Variants in TGFBR2 observed in about 807,000 individuals in gnomAD.
TGFBR2 encodes transforming growth factor beta receptor 2.
A neutral mutation model predicts 49.0 loss-of-function variants in TGFBR2; 18 were observed. The observed-to-expected ratio is 0.37, with a 90% confidence interval of 0.25 to 0.54. TGFBR2 has a LOEUF of 0.54. Among genes scored for constraint, TGFBR2 ranks in the 20% least tolerant of loss-of-function variants. The probability of loss-of-function intolerance (pLI) is 0.85; values close to 1 mark genes in which losing one functional copy is unlikely to be tolerated. For missense variants in TGFBR2, 525 were observed against 722.6 expected (o/e 0.73, Z 3.13); for synonymous variants, 282 against 275.9 (o/e 1.02, Z -0.22).
At chr3:30,630,218 C>G (rs1162860195) in intron 1 of TGFBR2, among the ~76,000 whole-genome samples, 1 of 152,100 alleles carries the variant, frequency 6.6e-6, no homozygotes, top group Admixed American at 6.5e-5. Flanking sequence ...GGGTTCTCAC[C>G]CCAGAATGAG....
intron 5 of TGFBR2, among the ~76,000 whole-genome samples, chr3:30,674,758 G>A (rs750393208): frequency 6.6e-6 from 1 of 152,150 alleles, no homozygotes; most frequent in Non-Finnish European, 1.5e-5. Context: ...CTAGTGAAGA[G>A]GTTATTGAGG....
chr3:30,664,729 C>T (rs1360775169), intron 3 of TGFBR2, among the ~76,000 whole-genome samples: 1 of 152,184 alleles, frequency 6.6e-6, no homozygotes, highest in Non-Finnish European at 1.5e-5. Flanking sequence ...TTTGTTATGC[C>T]GACACCAGTT....
chr3:30,628,528 G>GTTTTTTTTTT (rs569832149), intron 1 of TGFBR2, among the ~76,000 whole-genome samples: 2 of 80,200 alleles, frequency 2.5e-5, no homozygotes, highest in East Asian at 4.6e-4. Flanking sequence ...AAGCCTGTGG[G>GTTTTTTTTTT]TTTTTTTTTT....
intron 1 of TGFBR2, among the ~76,000 whole-genome samples, chr3:30,632,624 T>C (rs1188767903): frequency 6.6e-6 from 1 of 152,212 alleles, no homozygotes; most frequent in African/African-American, 2.4e-5. Context: ...AAACTCATAC[T>C]TATCTTGTCA....
chr3:30,671,837 C>T lies in TGFBR2; in HGVS notation c.654C>T (p.Ile218=), dbSNP rs1699344500. The T allele has an allele frequency of 6.2e-7, 1 of 1,614,114 alleles. No homozygotes were observed. Among genetic ancestry groups the T allele is most frequent in the African/African-American group, 1.3e-5 (1 of 74,946 alleles). ...TGGAGTTCAGCGAGCACTGTGCCATCATCCTGGAAGATGACCGCTCTGACA... is the reference window on the plus strand; with the variant it reads ...TGGAGTTCAGCGAGCACTGTGCCATTATCCTGGAAGATGACCGCTCTGACA... ...KLMEFSEHCA[I]ILEDDRSDIS... is the part of the protein sequence containing the mutation. Residue 218 remains isoleucine (I), a synonymous_variant, in exon 4 of 7, where the codon ATC becomes ATT. Transcript: ENST00000295754.
intron 1 of TGFBR2, among the ~76,000 whole-genome samples, chr3:30,621,278 C>CTCT (rs1698225603): frequency 1.7e-5 from 2 of 116,312 alleles, no homozygotes; most frequent in East Asian, 2.5e-4. Flanking sequence ...TTTTAATATT[C>CTCT]TTTTTTTTTT....
chr3:30,630,660 A>C (rs1322351107), intron 1 of TGFBR2, among the ~76,000 whole-genome samples: 1 of 152,188 alleles, frequency 6.6e-6, no homozygotes, highest in East Asian at 1.9e-4. Context: ...TTATGTTGAA[A>C]CTTAATCCCC....
At chr3:30,687,424 G>A (rs773144774) in intron 5 of TGFBR2, among the ~76,000 whole-genome samples, 2 of 151,956 alleles carry the variant, frequency 1.3e-5, no homozygotes, top group African/African-American at 4.8e-5. Context: ...AGAGGATCTC[G>A]CTATGTTGCC....
At chr3:30,674,986 G>A (rs754626544) in intron 5 of TGFBR2, among the ~76,000 whole-genome samples, 1 of 152,054 alleles carries the variant, frequency 6.6e-6, no homozygotes, top group Non-Finnish European at 1.5e-5. Flanking sequence ...ACTGTTAGAG[G>A]CTGTTACTAC....
intron 5 of TGFBR2, among the ~76,000 whole-genome samples, chr3:30,682,385 C>G (rs1411579439): frequency 6.6e-6 from 1 of 152,206 alleles, no homozygotes; most frequent in Non-Finnish European, 1.5e-5. Context: ...TAAACTCAGT[C>G]ATACTCTCTA....
At chr3:30,648,453 CA>C (rs1698815372) in intron 2 of TGFBR2, among the ~76,000 whole-genome samples, 6 of 136,790 alleles carry the variant, frequency 4.4e-5, no homozygotes, top group African/African-American at 1.4e-4. Flanking sequence ...CACACACACA[CA>C]CACACACAAA....
chr3:30,654,596 G>C (rs1203757649), intron 3 of TGFBR2, among the ~76,000 whole-genome samples: 1 of 152,140 alleles, frequency 6.6e-6, no homozygotes, highest in Non-Finnish European at 1.5e-5. Flanking sequence ...GTCTATCCCT[G>C]TACTAACCAA....
intron 1 of TGFBR2, among the ~76,000 whole-genome samples, chr3:30,617,853 C>T (rs1698158867): frequency 6.6e-6 from 1 of 152,332 alleles, no homozygotes; most frequent in East Asian, 1.9e-4. Context: ...TACACTTTCA[C>T]AAGGTCCCCA....
chr3:30,611,191 C>T (rs1346812335), intron 1 of TGFBR2, among the ~76,000 whole-genome samples: 1 of 152,210 alleles, frequency 6.6e-6, no homozygotes, highest in Non-Finnish European at 1.5e-5. Context: ...CTGGCAGTGC[C>T]TGACACATCA....
chr3:30,657,430 GGGCTGAGAGCAT>G (rs1699027043), intron 3 of TGFBR2, among the ~76,000 whole-genome samples: 1 of 152,172 alleles, frequency 6.6e-6, no homozygotes, highest in Non-Finnish European at 1.5e-5. Flanking sequence ...ACAGAGGGCA[GGGCTGAGAGCAT>G]GGCTTCCCTG....
chr3:30,655,674 A>G lies in TGFBR2; in HGVS notation c.454+5214A>G, dbSNP rs562481747. Among the ~76,000 whole-genome samples, 4 of 152,310 alleles carry G rather than the reference A, an allele frequency of 2.6e-5. No homozygotes were observed. The East Asian group carries it at 7.7e-4, about 29-fold the overall frequency. On this transcript the variant is annotated intron_variant, in intron 3 of 6. Coordinates refer to ENST00000295754, the MANE Select transcript of TGFBR2 (RefSeq NM_003242.6). ...CCATGGAAAGCTTGCTTTGGGCCAC[A>G]AGGCCTTCTCTTTGAATGACTGCGC...
chr3:30,624,822 T>G (rs1698302313), intron 1 of TGFBR2, among the ~76,000 whole-genome samples: 1 of 152,230 alleles, frequency 6.6e-6, no homozygotes, highest in South Asian at 2.1e-4. Context: ...TGGTGTGGAC[T>G]TCTTTCTGTT....
chr3:30,689,371 C>T (rs1174041819), intron 6 of TGFBR2, among the ~76,000 whole-genome samples: 1 of 152,202 alleles, frequency 6.6e-6, no homozygotes, highest in Non-Finnish European at 1.5e-5. Flanking sequence ...GGCCCTATCT[C>T]ACTGAGAAGA....
chr3:30,657,057 CA>C (rs1486188395), intron 3 of TGFBR2, among the ~76,000 whole-genome samples: 2 of 152,164 alleles, frequency 1.3e-5, no homozygotes, highest in African/African-American at 2.4e-5. Context: ...ATTTTAATGA[CA>C]AAAAAGTGGG....
Sources: allele counts gnomAD v4.1 joint callset (sites outside exome capture counted in the v4.1 genomes callset), GRCh38; gene constraint gnomAD v4.1.1; transcripts MANE v1.5; gene names NCBI Gene and HGNC (gene_info 2026-07-23, HGNC 2026-07-21).